The following MSLN variants were observed in gnomAD, a reference collection of about 807,000 sequenced individuals.
The protein encoded by MSLN is CAK1 antigen.
In MSLN, 82 loss-of-function variants were observed where a neutral mutation model predicts 72.6. That is an observed-to-expected ratio of 1.13 (90% CI 0.94 to 1.36). The LOEUF is 1.36. Ranked by LOEUF, MSLN falls within the 40% of genes most tolerant of loss-of-function variation. The pLI is 0.00. For missense variants in MSLN, 1,005 were observed against 847.9 expected (o/e 1.19, Z -2.30); for synonymous variants, 456 against 387.3 (o/e 1.18, Z -2.08).
Position 763,272 on chromosome 16 carries a change from G to A in MSLN, c.125G>A (p.Gly42Glu). ...TCGAGGACCCTGGCTGGAGAGACAG[G>A]GCAGGTAAGGTCCCCTCTGGGGAAA... ...QPSRTLAGETGQEAAPLDGVL... is the reference protein window; with the variant it reads ...QPSRTLAGETEQEAAPLDGVL... Residue 42 changes from glycine to glutamate, a missense_variant, in exon 4 of 18, where the codon GGG becomes GAG. Coordinates refer to ENST00000545450, the MANE Select transcript of MSLN (RefSeq NM_005823.6). 1 of 1,543,680 alleles carries A rather than the reference G, an allele frequency of 6.5e-7. No homozygotes were observed. Among genetic ancestry groups the A allele is most frequent in the Non-Finnish European group, 8.7e-7 (1 of 1,145,594 alleles).
chr16:764,990 G>C lies in MSLN; in HGVS notation c.464G>C (p.Gly155Ala). The C allele has an allele frequency of 6.2e-7, 1 of 1,612,324 alleles. No homozygotes were observed. Among genetic ancestry groups the C allele is most frequent in the Non-Finnish European group, 8.5e-7 (1 of 1,179,714 alleles). ...GCCAATGTGGACCTGCTCCCGAGGG[G>C]GGCTCCCGAGCGACAGCGGCTGCTG... ...TKANVDLLPR[G>A]APERQRLLPA... The change falls in exon 8 of 18, where the codon GGG becomes GCG. Residue 155 changes from glycine (G) to alanine (A), a missense_variant. Gly to Ala is a moderately conservative substitution (Grantham distance 60). Transcript: ENST00000545450.
Position 768,496 on chromosome 16 carries a change from G to C in MSLN, c.1714G>C (p.Asp572His), listed in dbSNP as rs2041672056. 2 of 1,585,610 alleles carry C rather than the reference G, an allele frequency of 1.3e-6. No individual in the cohort carries two copies. The highest frequency in any genetic ancestry group is 1.7e-6 in the Non-Finnish European group (2 of 1,163,754). The change falls in exon 17 of 18, where the codon GAC becomes CAC. Residue 572 changes from aspartate (D) to histidine (H), a missense_variant. Asp to His is a moderately conservative substitution (Grantham distance 81). Transcript: ENST00000545450. ...WILRQRQDDLDTLGLGLQGGI... is the reference protein window; with the variant it reads ...WILRQRQDDLHTLGLGLQGGI... The stretch of plus-strand genomic sequence containing the variant: ...CCTACGGCAGCGGCAGGACGACCTG[G>C]ACACGCTGGGGCTGGGGCTACAGGG...
At position 768,583 on chromosome 16, in the gene MSLN, G is replaced by A. The variant is rs1374944457; in HGVS notation, c.1783+18G>A. The stretch of plus-strand genomic sequence containing the variant: ...CATGCAAGGTGGGCGGGGCGGCCAG[G>A]CCAGGGCTGGGGGCAGAGCTGGGGG... On this transcript the variant is annotated intron_variant, in intron 17 of 17. Coordinates refer to ENST00000545450, the MANE Select transcript of MSLN (RefSeq NM_005823.6). 6.2e-7 allele frequency: 1 copy of A among 1,609,080 alleles called. No individual in the cohort carries two copies. Among genetic ancestry groups the A allele is most frequent in the Non-Finnish European group, 8.5e-7 (1 of 1,178,102 alleles).
At chr16:768,602 C>G in intron 17 of MSLN, 37 bp downstream of exon 17, 3 of 1,607,444 alleles carry the variant, frequency 1.9e-6, no homozygotes, top group Non-Finnish European at 2.5e-6. Flanking sequence ...GGGGGCAGAG[C>G]TGGGGGCGTG....
At chr16:767,270 G>A (rs1011713215) in intron 15 of MSLN, 106 bp from the exon 16 acceptor site, 4 of 1,198,166 alleles carry the variant, frequency 3.3e-6, no homozygotes, top group Admixed American at 3.6e-5. Context: ...GAATCCCTAA[G>A]GAAAAAGGGA....
In MSLN at chr16:764,575, G is replaced by A. The variant is rs908903372; in HGVS notation, c.301-72G>A. 6.9e-6 allele frequency: 9 copies of A among 1,295,400 alleles called. No homozygotes were observed. The African/African-American group carries it at 1.2e-4, about 17-fold the overall frequency. The allele number at this position is 1,295,400 out of a possible 1,614,324, so 80.2% of individuals were successfully genotyped here. Reference sequence around the variant, plus strand: ...AGGGGTGTGTTGTGGTGGGCAGACTGGCCAGGCGACCCTGGCCCACCATGT... The same window carrying A: ...AGGGGTGTGTTGTGGTGGGCAGACTAGCCAGGCGACCCTGGCCCACCATGT... On this transcript the variant is annotated intron_variant, in intron 6 of 17. Coordinates refer to ENST00000545450, the MANE Select transcript of MSLN (RefSeq NM_005823.6).
At chr16:762,598 G>C in intron 2 of MSLN, 74 bp from the exon 3 acceptor site, 2 of 1,152,596 alleles carry the variant, frequency 1.7e-6, no homozygotes, top group Non-Finnish European at 1.3e-6. Context: ...GGGCCCATGT[G>C]GCCCCAGGCT....
At position 762,684 on chromosome 16, in the gene MSLN, G is replaced by A. The variant is rs1221596676; in HGVS notation, c.4G>A (p.Ala2Thr). The stretch of plus-strand genomic sequence containing the variant: ...CTGCCCTCCACAGACACAGACCATG[G>A]CCTTGCCAACGGCTCGACCCCTGTT... The part of the protein sequence containing the change: M[A>T]LPTARPLLGS... The change falls in exon 3 of 18, where the codon GCC becomes ACC. Residue 2 changes from alanine to threonine, a missense_variant. Ala to Thr is a moderately conservative substitution (Grantham distance 58). Coordinates refer to ENST00000545450, the MANE Select transcript of MSLN (RefSeq NM_005823.6). The A allele has an allele frequency of 6.2e-7, 1 of 1,611,858 alleles. No individual in the cohort carries two copies. Among genetic ancestry groups the A allele is most frequent in the Non-Finnish European group, 8.5e-7 (1 of 1,179,320 alleles).
chr16:764,790 C>CT, intron 7 of MSLN, 64 bp downstream of exon 7: 1 of 1,577,440 alleles, frequency 6.3e-7, no homozygotes, highest in African/African-American at 1.3e-5. Flanking sequence ...CCCCAACCCC[C>CT]TGCCCCTTGC....
intron 15 of MSLN, 38 bp downstream of exon 15, chr16:767,050 A>G: frequency 6.2e-7 from 1 of 1,611,126 alleles, no homozygotes; most frequent in East Asian, 2.2e-5. Flanking sequence ...GGGCAACACA[A>G]CGGGGGAAGC....
At position 762,729 on chromosome 16, in the gene MSLN, G is replaced by A. The variant is rs369087429; in HGVS notation, c.49G>A (p.Ala17Thr). ...RPLLGSCGTP[A>T]LGSLLFLLFS... Reference sequence around the variant, plus strand: ...CCTGTTGGGGTCCTGTGGGACCCCCGCCCTCGGCAGCCTCCTGTTCCTGCT... The same window carrying A: ...CCTGTTGGGGTCCTGTGGGACCCCCACCCTCGGCAGCCTCCTGTTCCTGCT... The change falls in exon 3 of 18, where the codon GCC becomes ACC. Residue 17 changes from alanine to threonine, a missense_variant. Transcript: ENST00000545450. 1.1e-4 allele frequency: 169 copies of A among 1,602,578 alleles called. No individual in the cohort carries two copies. The highest frequency in any genetic ancestry group is 8.3e-4 in the Middle Eastern group (5 of 6,014).
At position 766,927 on chromosome 16, in the gene MSLN, G is replaced by C; in HGVS notation, c.1416G>C (p.Gln472His). The C allele has an allele frequency of 1.2e-6, 2 of 1,612,672 alleles. No individual in the cohort carries two copies. Among genetic ancestry groups the C allele is most frequent in the Non-Finnish European group, 1.7e-6 (2 of 1,179,884 alleles). Residue 472 changes from glutamine (Q) to histidine (H), a missense_variant, in exon 15 of 18, where the codon CAG becomes CAC. Gln to His is a conservative substitution (Grantham distance 24). Transcript: ENST00000545450. Reference sequence around the variant, plus strand: ...ACCTGGACACGTGTGACCCAAGGCAGCTGGACGTCCTCTATCCCAAGGCCC... The same window carrying C: ...ACCTGGACACGTGTGACCCAAGGCACCTGGACGTCCTCTATCCCAAGGCCC... ...PQDLDTCDPRQLDVLYPKARL... is the reference protein window; with the variant it reads ...PQDLDTCDPRHLDVLYPKARL...
At chr16:761,769 G>A (rs1035605702) in intron 2 of MSLN, among the ~76,000 whole-genome samples, 2 of 152,224 alleles carry the variant, frequency 1.3e-5, no homozygotes, top group Non-Finnish European at 2.9e-5. Flanking sequence ...TGGCCGGGCC[G>A]ACCAGGCAGG....
intron 5 of MSLN, 132 bp downstream of exon 5, chr16:763,823 C>T (rs1567355776): frequency 6.8e-5 from 2 of 29,210 alleles, no homozygotes; most frequent in South Asian, 3.1e-4. Context: ...TCTGACTGGG[C>T]TCAGGACTGC....
chr16:763,132 T>C, intron 3 of MSLN, 101 bp from the exon 4 acceptor site: 1 of 749,440 alleles, frequency 1.3e-6, no homozygotes, highest in Non-Finnish European at 2.2e-6. Context: ...TGCACAGGGC[T>C]GGCTGTGGGG....
In MSLN at chr16:764,939, C is replaced by G. The variant is rs955288508; in HGVS notation, c.413C>G (p.Thr138Ser). The G allele has an allele frequency of 1.2e-6, 2 of 1,612,212 alleles. No homozygotes were observed. Among genetic ancestry groups the G allele is most frequent in the African/African-American group, 2.7e-5 (2 of 74,938 alleles). ...PDAFSGPQACTRFFSRITKAN... is the reference protein window; with the variant it reads ...PDAFSGPQACSRFFSRITKAN... Reference sequence around the variant, plus strand: ...GCGTTCTCGGGGCCCCAGGCCTGCACCCGTTTCTTCTCCCGCATCACGAAG... The same window carrying G: ...GCGTTCTCGGGGCCCCAGGCCTGCAGCCGTTTCTTCTCCCGCATCACGAAG... Residue 138 changes from threonine to serine, a missense_variant, in exon 8 of 18, where the codon ACC (threonine) becomes AGC (serine). Transcript: ENST00000545450.
intron 13 of MSLN, 78 bp from the exon 14 acceptor site, chr16:766,590 G>T (rs950045920): frequency 1.2e-6 from 2 of 1,609,024 alleles, no homozygotes; most frequent in Non-Finnish European, 1.7e-6. Context: ...GGGGTCAGGG[G>T]CACGGCCTGA....
intron 15 of MSLN, 112 bp from the exon 16 acceptor site, chr16:767,264 C>A: frequency 1.7e-6 from 2 of 1,171,414 alleles, no homozygotes; most frequent in Non-Finnish European, 2.5e-6. Context: ...GCCCTGGAAT[C>A]CCTAAGGAAA....
At chr16:765,340 G>A (rs750360674) in intron 9 of MSLN, 37 bp downstream of exon 9, 117 of 1,513,150 alleles carry the variant, frequency 7.7e-5, no homozygotes, top group Non-Finnish European at 8.9e-5. Flanking sequence ...AGGCTCACCT[G>A]GCGGCGTGGT....
Sources: allele counts gnomAD v4.1 joint callset (sites outside exome capture counted in the v4.1 genomes callset), GRCh38; gene constraint gnomAD v4.1.1; transcripts MANE v1.5; gene names NCBI Gene and HGNC (gene_info 2026-07-23, HGNC 2026-07-21).